MACROD2: variants seen among roughly 807,000 people sequenced by gnomAD.
MACROD2 encodes the protein ADP-ribose glycohydrolase MACROD2.
Under a neutral mutation model 70.4 loss-of-function variants are expected in MACROD2, and 36 were observed. The ratio of observed to expected loss-of-function variants is 0.51; its 90% CI spans 0.39 to 0.68. The LOEUF is 0.68. Among genes scored for constraint, MACROD2 ranks in the 30% least tolerant of loss-of-function variants. The pLI is 0.00. For synonymous variants in MACROD2, 172 were observed against 178.8 expected (o/e 0.96, Z 0.30); for missense variants, 496 against 538.4 (o/e 0.92, Z 0.78).
intron 2 of MACROD2, among the ~76,000 whole-genome samples, chr20:14,056,649 T>C (rs2053633756): frequency 2.6e-5 from 4 of 151,930 alleles, no homozygotes; most frequent in Admixed American, 2.6e-4. Flanking sequence ...TTTACAATTG[T>C]TATTTTCCAT....
Position 14,462,967 on chromosome 20 carries a change from A to G in MACROD2, c.272-30512A>G, listed in dbSNP as rs370267091. 5.1e-4 allele frequency among the ~76,000 whole-genome samples: 78 copies of G among 152,116 alleles called. 3 individuals carry two copies. The East Asian group carries it at 0.014, about 27-fold the overall frequency. On this transcript the variant is annotated intron_variant, in intron 3 of 17. Coordinates refer to ENST00000684519, the MANE Select transcript of MACROD2 (RefSeq NM_001351661.2). Reference sequence around the variant, plus strand: ...GTAGTATAGTTTGAAGTCAGGTAGCATGATGCCTCCAGCTTTGTTCTTTTG... The same window carrying G: ...GTAGTATAGTTTGAAGTCAGGTAGCGTGATGCCTCCAGCTTTGTTCTTTTG...
At chr20:15,797,144 C>A (rs990820805) in intron 8 of MACROD2, among the ~76,000 whole-genome samples, 2 of 152,010 alleles carry the variant, frequency 1.3e-5, no homozygotes, top group Non-Finnish European at 2.9e-5. Flanking sequence ...GATGGAGTCT[C>A]GCTCTGTTGC....
intron 6 of MACROD2, among the ~76,000 whole-genome samples, chr20:15,290,714 A>T (rs907977356): frequency 6.6e-6 from 1 of 152,216 alleles, no homozygotes; most frequent in African/African-American, 2.4e-5. Context: ...ACAAATCCAG[A>T]TCTCTTCTAC....
At chr20:14,042,685 A>T (rs1311856715) in intron 2 of MACROD2, among the ~76,000 whole-genome samples, 1 of 152,114 alleles carries the variant, frequency 6.6e-6, no homozygotes, top group African/African-American at 2.4e-5. Flanking sequence ...TTTTTAGTAG[A>T]GATGGGGTTT....
At chr20:14,084,070 A>AAG (rs1569151497) in intron 2 of MACROD2, among the ~76,000 whole-genome samples, 1 of 140,842 alleles carries the variant, frequency 7.1e-6, no homozygotes, top group East Asian at 2.0e-4. Flanking sequence ...TCAAAAAAAA[A>AAG]CAAAAAACAA....
chr20:14,036,543 T>A (rs1008739082), intron 2 of MACROD2, among the ~76,000 whole-genome samples: 6 of 152,192 alleles, frequency 3.9e-5, no homozygotes, highest in African/African-American at 1.4e-4. Flanking sequence ...TGGGAGGAAG[T>A]TTCACTGTAA....
chr20:15,886,427 C>A (rs552160023), intron 10 of MACROD2, among the ~76,000 whole-genome samples: 92 of 152,222 alleles, frequency 6.0e-4, no homozygotes, highest in Admixed American at 2.0e-3. Context: ...CCATGTAATT[C>A]ATTCTTTGGA....
At chr20:14,503,024 T>A (rs2084930928) in intron 4 of MACROD2, among the ~76,000 whole-genome samples, 1 of 152,184 alleles carries the variant, frequency 6.6e-6, no homozygotes, top group South Asian at 2.1e-4. Context: ...GTGAGCTTAA[T>A]GTAGTCTTCA....
At chr20:14,939,119 C>T (rs935524455) in intron 5 of MACROD2, among the ~76,000 whole-genome samples, 2 of 151,786 alleles carry the variant, frequency 1.3e-5, no homozygotes, top group African/African-American at 4.8e-5. Flanking sequence ...ATCTCATTTA[C>T]CAAGTTTTGC....
At chr20:15,694,051 C>CT (rs2050333385) in intron 8 of MACROD2, among the ~76,000 whole-genome samples, 1 of 152,110 alleles carries the variant, frequency 6.6e-6, no homozygotes, top group African/African-American at 2.4e-5. Context: ...TAATTCATTC[C>CT]TTTTTATGGC....
At chr20:15,035,976 CA>C (rs2075309873) in intron 5 of MACROD2, among the ~76,000 whole-genome samples, 1 of 151,924 alleles carries the variant, frequency 6.6e-6, no homozygotes, top group South Asian at 2.1e-4. Flanking sequence ...CATCCAAGTC[CA>C]AGGGAAGGGG....
intron 4 of MACROD2, among the ~76,000 whole-genome samples, chr20:14,527,450 C>T (rs2085247856): frequency 6.6e-6 from 1 of 152,064 alleles, no homozygotes; most frequent in Non-Finnish European, 1.5e-5. Context: ...GGACCACTCT[C>T]TTCCCTTCCC....
At chr20:15,326,224 A>G (rs749333882) in intron 6 of MACROD2, among the ~76,000 whole-genome samples, 3 of 152,106 alleles carry the variant, frequency 2.0e-5, no homozygotes, top group Admixed American at 1.3e-4. Flanking sequence ...TCTTGATAAT[A>G]TAATTTATCT....
At chr20:15,609,233 G>A (rs2048933736) in intron 8 of MACROD2, among the ~76,000 whole-genome samples, 1 of 152,214 alleles carries the variant, frequency 6.6e-6, no homozygotes, top group Non-Finnish European at 1.5e-5. Context: ...GGGAAGGAAA[G>A]AGAGAAAGTC....
chr20:15,450,710 G>A (rs1356306124), intron 7 of MACROD2, among the ~76,000 whole-genome samples: 1 of 152,108 alleles, frequency 6.6e-6, no homozygotes, highest in African/African-American at 2.4e-5. Context: ...TAGTGACAAT[G>A]AGCTTTCTCC....
intron 5 of MACROD2, among the ~76,000 whole-genome samples, chr20:14,904,040 A>G (rs543562776): frequency 2.6e-5 from 4 of 152,212 alleles, no homozygotes; most frequent in Non-Finnish European, 5.9e-5. Flanking sequence ...GAACACTAAG[A>G]AGTTTCTGCC....
At chr20:14,823,817 A>G (rs897745135) in intron 5 of MACROD2, among the ~76,000 whole-genome samples, 3 of 152,014 alleles carry the variant, frequency 2.0e-5, no homozygotes, top group Non-Finnish European at 4.4e-5. Context: ...TTTCGCTAAG[A>G]AGAGGAAATA....
chr20:14,135,575 C>A (rs915197071), intron 3 of MACROD2, among the ~76,000 whole-genome samples: 2 of 151,862 alleles, frequency 1.3e-5, no homozygotes, highest in Admixed American at 6.6e-5. Flanking sequence ...ATTGGAGAGG[C>A]TGAGGTGGGA....
intron 3 of MACROD2, among the ~76,000 whole-genome samples, chr20:14,217,262 G>T (rs549568846): frequency 6.6e-6 from 1 of 152,202 alleles, no homozygotes; most frequent in South Asian, 2.1e-4. Context: ...CTATTGAAAT[G>T]ATCATGTGAT....
Sources: allele counts gnomAD v4.1 joint callset (sites outside exome capture counted in the v4.1 genomes callset), GRCh38; gene constraint gnomAD v4.1.1; transcripts MANE v1.5; gene names NCBI Gene and HGNC (gene_info 2026-07-23, HGNC 2026-07-21).